Variants in CCDC102B observed in about 807,000 individuals in gnomAD.
CCDC102B encodes coiled-coil domain-containing protein 102B.
A neutral mutation model predicts 57.4 loss-of-function variants in CCDC102B; 75 were observed. The observed-to-expected ratio is 1.31, with a 90% confidence interval of 1.08 to 1.58. The LOEUF (loss-of-function observed/expected upper bound fraction) is 1.58. Among genes scored for constraint, CCDC102B ranks in the 40% most tolerant of loss-of-function variants. The probability of loss-of-function intolerance (pLI) is 0.00; values close to 1 mark genes in which losing one functional copy is unlikely to be tolerated. For synonymous variants in CCDC102B, 206 were observed against 201.9 expected, an observed-to-expected ratio of 1.02 and a Z score of -0.17; for missense variants, 636 against 582.6, an observed-to-expected ratio of 1.09 and a Z score of -0.94.
chr18:68,718,728 T>C (rs309242), intron 2 of CCDC102B, among the ~76,000 whole-genome samples: 40,309 of 152,194 alleles, frequency 0.26, 9,045 homozygotes, highest in African/African-American at 0.61. Flanking sequence ...CTTGGTTTAA[T>C]GCAGATTCTG....
intron 6 of CCDC102B, among the ~76,000 whole-genome samples, chr18:68,990,842 A>G (rs2050846094): frequency 6.6e-6 from 1 of 152,214 alleles, no homozygotes; most frequent in Non-Finnish European, 1.5e-5. Flanking sequence ...GGGAAAATTT[A>G]AGAGCTGTTA....
chr18:69,002,469 A>G (rs2051229154), intron 6 of CCDC102B, among the ~76,000 whole-genome samples: 1 of 152,188 alleles, frequency 6.6e-6, no homozygotes. Flanking sequence ...TTTGTGAAAA[A>G]TAATGCAGGC....
chr18:68,908,832 C>T (rs7244782), intron 6 of CCDC102B, among the ~76,000 whole-genome samples: 138,522 of 152,056 alleles, frequency 0.91, 63,153 homozygotes, highest in East Asian at 0.99. Context: ...TACTTACATA[C>T]TAGGTTTTAT....
chr18:68,975,595 G>T (rs904848748), intron 6 of CCDC102B, among the ~76,000 whole-genome samples: 1 of 151,842 alleles, frequency 6.6e-6, no homozygotes, highest in Non-Finnish European at 1.5e-5. Flanking sequence ...ATAAGTAAAG[G>T]CTAAGAACAC....
At chr18:68,923,413 T>C (rs1255374322) in intron 6 of CCDC102B, among the ~76,000 whole-genome samples, 2 of 151,928 alleles carry the variant, frequency 1.3e-5, no homozygotes, top group Admixed American at 6.6e-5. Context: ...GACACCAACA[T>C]AATTATTTTA....
chr18:68,831,453 T>C (rs1328045200), intron 1 of CCDC102B, among the ~76,000 whole-genome samples: 1 of 152,154 alleles, frequency 6.6e-6, no homozygotes, highest in Non-Finnish European at 1.5e-5. Flanking sequence ...ATAACGACTC[T>C]TGGCAAACAT....
chr18:69,001,480 T>C (rs28721353), intron 6 of CCDC102B, among the ~76,000 whole-genome samples: 203 of 89,156 alleles, frequency 2.3e-3, no homozygotes, highest in African/African-American at 5.8e-3. Context: ...ATGGGTTTTA[T>C]TGGACAAAAG....
At chr18:68,926,267 C>T (rs1388064763) in intron 6 of CCDC102B, among the ~76,000 whole-genome samples, 1 of 151,724 alleles carries the variant, frequency 6.6e-6, no homozygotes, top group East Asian at 1.9e-4. Flanking sequence ...AAGATTTAAT[C>T]AAATATAGTT....
chr18:68,758,198 G>C (rs112961037), intron 2 of CCDC102B, among the ~76,000 whole-genome samples: 4 of 128,784 alleles, frequency 3.1e-5, no homozygotes, highest in African/African-American at 1.1e-4. Context: ...ATGTAGACAT[G>C]TGTGTTGTAT....
At chr18:68,744,133 T>C (rs1282870333) in intron 2 of CCDC102B, among the ~76,000 whole-genome samples, 1 of 152,248 alleles carries the variant, frequency 6.6e-6, no homozygotes, top group Non-Finnish European at 1.5e-5. Flanking sequence ...AATTTATTAT[T>C]TTAATATCTT....
intron 4 of CCDC102B, among the ~76,000 whole-genome samples, chr18:68,849,802 AGTAATACCCAATAG>A (rs2038042485): frequency 6.6e-6 from 1 of 152,074 alleles, no homozygotes; most frequent in Non-Finnish European, 1.5e-5. Flanking sequence ...AATTCCAGTA[AGTAATACCCAATAG>A]GTGATTACTG....
intron 4 of CCDC102B, among the ~76,000 whole-genome samples, chr18:68,854,135 T>C (rs761851789): frequency 1.3e-5 from 2 of 151,998 alleles, no homozygotes; most frequent in Non-Finnish European, 2.9e-5. Flanking sequence ...AGTTCCGCTC[T>C]TGTTGCCCAG....
At chr18:68,852,517 C>T (rs997442116) in intron 4 of CCDC102B, among the ~76,000 whole-genome samples, 1 of 152,132 alleles carries the variant, frequency 6.6e-6, no homozygotes. Flanking sequence ...TTCTAGATTA[C>T]TTATAATTCC....
At chr18:69,030,677 T>G (rs1001591607) in intron 7 of CCDC102B, among the ~76,000 whole-genome samples, 1 of 152,172 alleles carries the variant, frequency 6.6e-6, no homozygotes, top group Non-Finnish European at 1.5e-5. Flanking sequence ...GGTTTTTGTT[T>G]TTGGAGACAC....
At chr18:68,928,095 A>T (rs552195655) in intron 6 of CCDC102B, among the ~76,000 whole-genome samples, 49 of 152,036 alleles carry the variant, frequency 3.2e-4, no homozygotes, top group African/African-American at 1.2e-3. Context: ...CATTTTCCTC[A>T]TTTGTAAAGT....
chr18:68,890,109 TATTGCTA>T (rs994103559), intron 5 of CCDC102B, among the ~76,000 whole-genome samples: 9 of 152,224 alleles, frequency 5.9e-5, no homozygotes, highest in African/African-American at 1.9e-4. Context: ...GTCACATTTA[TATTGCTA>T]ATTCCTCATT....
intron 4 of CCDC102B, among the ~76,000 whole-genome samples, chr18:68,867,771 A>G (rs1324397068): frequency 2.7e-5 from 2 of 74,928 alleles, no homozygotes; most frequent in Non-Finnish European, 5.2e-5. Flanking sequence ...CGTCTCTACT[A>G]AAAATACAAA....
chr18:68,880,844 C>A (rs1466684193), intron 5 of CCDC102B, among the ~76,000 whole-genome samples: 3 of 152,122 alleles, frequency 2.0e-5, no homozygotes, highest in African/African-American at 7.2e-5. Context: ...ACAATTATTT[C>A]TAACAGTGAT....
intron 7 of CCDC102B, among the ~76,000 whole-genome samples, chr18:69,018,457 A>G (rs2051733220): frequency 6.6e-6 from 1 of 152,120 alleles, no homozygotes; most frequent in Non-Finnish European, 1.5e-5. Context: ...TGACTTTTTG[A>G]TAATAGCCAT....
Sources: gnomAD v4.1 joint callset for allele counts (sites outside exome capture counted in the v4.1 genomes callset) on GRCh38, gnomAD v4.1.1 for gene constraint, MANE v1.5 for transcripts, NCBI Gene and HGNC (gene_info 2026-07-23, HGNC 2026-07-21) for gene names.